The following ARHGAP31 variants were observed in gnomAD, a reference collection of about 807,000 sequenced individuals.
The protein encoded by ARHGAP31 is Rho GTPase activating protein 31, also known as rho GTPase-activating protein 31.
A neutral mutation model predicts 113.9 loss-of-function variants in ARHGAP31; 34 were observed. The ratio of observed to expected loss-of-function variants is 0.30; its 90% CI spans 0.23 to 0.40. The LOEUF is 0.40. ARHGAP31 is among the 10% of genes least tolerant of loss of function. The pLI is 1.00. For synonymous variants in ARHGAP31, 650 were observed against 684.8 expected, an observed-to-expected ratio of 0.95 and a Z score of 0.79; for missense variants, 1,548 against 1,767.1, an observed-to-expected ratio of 0.88 and a Z score of 2.22.
chr3:119,337,533 C>T (rs544344238), intron 1 of ARHGAP31, among the ~76,000 whole-genome samples: 12 of 152,292 alleles, frequency 7.9e-5, no homozygotes, highest in Admixed American at 3.3e-4. Context: ...ACTGTGGGTG[C>T]CAGTGGCCTG....
intron 1 of ARHGAP31, among the ~76,000 whole-genome samples, chr3:119,360,325 C>T (rs960299876): frequency 6.6e-6 from 1 of 152,188 alleles, no homozygotes; most frequent in African/African-American, 2.4e-5. Flanking sequence ...CGAAATCTGA[C>T]CAAGTCAAGA....
At chr3:119,405,292 G>A (rs948867875) in intron 10 of ARHGAP31, among the ~76,000 whole-genome samples, 8 of 151,976 alleles carry the variant, frequency 5.3e-5, no homozygotes, top group South Asian at 2.1e-4. Context: ...AAAATACAGC[G>A]GCTCAAACAA....
At position 119,419,598 on chromosome 3, in the gene ARHGAP31, T is replaced by G. The variant is rs1475753104; in HGVS notation, c.*3334T>G. On this transcript the variant is annotated 3_prime_UTR_variant, in exon 12 of 12. Coordinates refer to ENST00000264245, the MANE Select transcript of ARHGAP31 (RefSeq NM_020754.4). ...GATGGCAGCAAATAAAACACCCCCA[T>G]AAACAACCAGGAGCAAGGTTGAGAA... 6.6e-6 allele frequency: 1 copy of G among 152,046 alleles called. No homozygotes were observed. Among genetic ancestry groups the G allele is most frequent in the Non-Finnish European group, 1.5e-5 (1 of 68,024 alleles). 9.4% of individuals were successfully genotyped at this position (152,046 alleles called of 1,614,324 possible). A position where few individuals can be genotyped will look rare whatever the true frequency, so the allele number is the denominator to read the frequency against.
At chr3:119,385,355 C>T (rs2080440062) in intron 6 of ARHGAP31, among the ~76,000 whole-genome samples, 1 of 151,944 alleles carries the variant, frequency 6.6e-6, no homozygotes, top group Admixed American at 6.6e-5. Flanking sequence ...TTATCCATTC[C>T]TTAGTTTGGG....
chr3:119,358,692 A>T (rs1355913718), intron 1 of ARHGAP31, among the ~76,000 whole-genome samples: 1 of 152,232 alleles, frequency 6.6e-6, no homozygotes, highest in South Asian at 2.1e-4. Context: ...ACATGCTACA[A>T]CATGGACGGA....
chr3:119,311,332 C>T (rs1221386602), intron 1 of ARHGAP31, among the ~76,000 whole-genome samples: 1 of 152,166 alleles, frequency 6.6e-6, no homozygotes, highest in Non-Finnish European at 1.5e-5. Flanking sequence ...TAGAGGCCTT[C>T]CTCATTCCTT....
chr3:119,337,856 T>A (rs544873583), intron 1 of ARHGAP31, among the ~76,000 whole-genome samples: 1 of 152,316 alleles, frequency 6.6e-6, no homozygotes, highest in East Asian at 1.9e-4. Flanking sequence ...GCATTTACAA[T>A]CCTTTAGCTA....
intron 6 of ARHGAP31, among the ~76,000 whole-genome samples, chr3:119,385,656 C>A (rs1242919041): frequency 2.0e-5 from 3 of 152,166 alleles, no homozygotes; most frequent in Non-Finnish European, 4.4e-5. Flanking sequence ...ATTCCACATG[C>A]AGCATTTCAT....
chr3:119,321,256 G>A (rs75092979), intron 1 of ARHGAP31, among the ~76,000 whole-genome samples: 135 of 123,660 alleles, frequency 1.1e-3, no homozygotes, highest in African/African-American at 3.5e-3. Context: ...CTATTCAGCA[G>A]CAATTTCACA....
At chr3:119,297,472 G>A (rs2079543119) in intron 1 of ARHGAP31, among the ~76,000 whole-genome samples, 1 of 151,730 alleles carries the variant, frequency 6.6e-6, no homozygotes, top group African/African-American at 2.4e-5. Flanking sequence ...CATGGTTACT[G>A]AACTTTGAAG....
intron 1 of ARHGAP31, among the ~76,000 whole-genome samples, chr3:119,356,873 A>G (rs1241623957): frequency 3.3e-5 from 5 of 152,152 alleles, no homozygotes; most frequent in East Asian, 3.9e-4. Flanking sequence ...CATACCTTAC[A>G]TGTCACATGT....
intron 1 of ARHGAP31, among the ~76,000 whole-genome samples, chr3:119,331,026 G>A (rs367885518): frequency 6.6e-6 from 1 of 152,184 alleles, no homozygotes. Flanking sequence ...GGCATGGCTA[G>A]TGGTGGGAGT....
intron 7 of ARHGAP31, among the ~76,000 whole-genome samples, chr3:119,391,600 C>G (rs892322982): frequency 9.2e-6 from 1 of 108,828 alleles, no homozygotes; most frequent in African/African-American, 4.5e-5. Flanking sequence ...CCCCCCCCTC[C>G]CCCCCGCCGT....
rs73857015 is a variant in ARHGAP31 at position 119,341,520 on chromosome 3, A to T, written c.101-23796A>T. On this transcript the variant is annotated intron_variant, in intron 1 of 11. Coordinates refer to ENST00000264245, the MANE Select transcript of ARHGAP31 (RefSeq NM_020754.4). The stretch of plus-strand genomic sequence containing the variant: ...GAGGTTAAGAAATTTGCTCAAGGTC[A>T]CATAGCTTGTAAGAAGAAAATCTCC... 2.5e-3 allele frequency among the ~76,000 whole-genome samples: 381 copies of T among 152,340 alleles called. 2 individuals are homozygous for T. The highest frequency in any genetic ancestry group is 8.5e-3 in the African/African-American group (354 of 41,582).
At chr3:119,369,525 C>G (rs572002893) in intron 3 of ARHGAP31, among the ~76,000 whole-genome samples, 4 of 152,156 alleles carry the variant, frequency 2.6e-5, no homozygotes, top group African/African-American at 7.2e-5. Flanking sequence ...GGGAACCTTT[C>G]TCATGGCTCC....
chr3:119,354,675 C>T (rs1007089849), intron 1 of ARHGAP31, among the ~76,000 whole-genome samples: 1 of 139,454 alleles, frequency 7.2e-6, no homozygotes. Context: ...CCATGCCGGG[C>T]TAATTTTTTT....
rs540594486 is a variant in ARHGAP31, at chr3:119,313,830, GTATC to G, written c.100+18830_100+18833del. Among the ~76,000 whole-genome samples the G allele has an allele frequency of 1.7e-4, 26 of 152,346 alleles. 1 individual carries two copies. In the South Asian group the frequency reaches 5.2e-3, roughly 30 times the overall value. On this transcript the variant is annotated intron_variant, in intron 1 of 11. Coordinates refer to ENST00000264245, the MANE Select transcript of ARHGAP31 (RefSeq NM_020754.4). ...AACTGAAAACATATCCTGAAGTTGA[GTATC>G]TATATTTTTGCAGATGCTGTAGCCA... is the stretch of plus-strand genomic sequence containing the variant.
intron 1 of ARHGAP31, among the ~76,000 whole-genome samples, chr3:119,331,065 A>G (rs747381465): frequency 1.3e-5 from 2 of 152,168 alleles, no homozygotes; most frequent in African/African-American, 2.4e-5. Flanking sequence ...TCAGATTAAA[A>G]TGTCATTGGG....
At chr3:119,405,643 G>A (rs2080654309) in intron 10 of ARHGAP31, among the ~76,000 whole-genome samples, 1 of 152,158 alleles carries the variant, frequency 6.6e-6, no homozygotes, top group Non-Finnish European at 1.5e-5. Flanking sequence ...GGGGGTGGGG[G>A]AGGTTCTAGC....
Sources: allele counts gnomAD v4.1 joint callset (sites outside exome capture counted in the v4.1 genomes callset), GRCh38; gene constraint gnomAD v4.1.1; transcripts MANE v1.5; gene names NCBI Gene and HGNC (gene_info 2026-07-23, HGNC 2026-07-21).